NSD2: variants seen among roughly 807,000 people sequenced by gnomAD.
NSD2 encodes the protein histone-lysine N-methyltransferase NSD2.
Under a neutral mutation model 139.0 loss-of-function variants are expected in NSD2, and 12 were observed. The ratio of observed to expected loss-of-function variants is 0.09; its 90% CI spans 0.06 to 0.14. NSD2 has a LOEUF of 0.14. NSD2 is among the 10% of genes least tolerant of loss of function. The pLI is 1.00. For missense variants in NSD2, 1,155 were observed against 1,745.0 expected, an observed-to-expected ratio of 0.66 and a Z score of 6.02; for synonymous variants, 669 against 648.7, an observed-to-expected ratio of 1.03 and a Z score of -0.48.
chr4:1,896,681 C>CCTCCCTTCCTTCCTCT (rs1553861566), intron 1 of NSD2, among the ~76,000 whole-genome samples: 1,613 of 151,548 alleles, frequency 0.011, 28 homozygotes, highest in African/African-American at 0.037. Context: ...TCCCTCCCTC[C>CCTCCCTTCCTTCCTCT]CTTCCTTCCC....
At chr4:1,899,475 C>T (rs1716878969) in intron 1 of NSD2, 1 of 152,228 alleles carries the variant, frequency 6.6e-6, no homozygotes, top group South Asian at 2.1e-4. Flanking sequence ...AAAATCCTCC[C>T]CATTTGAGAA....
intron 9 of NSD2, chr4:1,946,960 A>G: frequency 1.9e-6 from 2 of 1,061,484 alleles, no homozygotes; most frequent in Non-Finnish European, 2.3e-6. Context: ...CTCTCGGGTA[A>G]TATTTTGAAG....
chr4:1,919,509 T>C (rs906667842), intron 5 of NSD2, among the ~76,000 whole-genome samples: 1 of 152,236 alleles, frequency 6.6e-6, no homozygotes, highest in African/African-American at 2.4e-5. Flanking sequence ...TTCCCACTTT[T>C]GGTTATGTTA....
At chr4:1,907,853 C>T (rs1718140528) in intron 3 of NSD2, among the ~76,000 whole-genome samples, 1 of 152,080 alleles carries the variant, frequency 6.6e-6, no homozygotes, top group African/African-American at 2.4e-5. Flanking sequence ...CCTTGTGATC[C>T]ACCCACCTTG....
At chr4:1,952,339 C>T (rs984915975) in intron 11 of NSD2, 108 bp downstream of exon 11, 1 of 1,496,914 alleles carries the variant, frequency 6.7e-7, no homozygotes, top group Non-Finnish European at 9.0e-7. Context: ...AGCCCCCTCC[C>T]CACCCCCACC....
chr4:1,958,430 C>A lies in NSD2; in HGVS notation c.2985+394C>A, dbSNP rs1479537821. Reference sequence around the variant, plus strand: ...CACGTAGATCCTGTACCTCAGAGAGCAAGATGGCGGGGCGGCAGGGGAGCT... The same window carrying A: ...CACGTAGATCCTGTACCTCAGAGAGAAAGATGGCGGGGCGGCAGGGGAGCT... On this transcript the variant is annotated intron_variant, in intron 16 of 21. Coordinates refer to ENST00000508803, the MANE Select transcript of NSD2 (RefSeq NM_001042424.3). The surrounding 1 kb of genome is among the most constrained non-coding windows in gnomAD (Gnocchi z 4.6). Among the ~76,000 whole-genome samples, 4 of 152,336 alleles carry A rather than the reference C, an allele frequency of 2.6e-5. No homozygotes were observed. The East Asian group carries it at 7.7e-4, about 29-fold the overall frequency.
Position 1,976,214 on chromosome 4 carries a change from C to G in NSD2, c.3622-261C>G, listed in dbSNP as rs1577586971. On this transcript the variant is annotated intron_variant, in intron 20 of 21. Transcript: ENST00000508803. This position sits in a 1 kb window ranked among gnomAD's most constrained non-coding sequence, Gnocchi z 5.3. ...AGCAGATCCTGGAGCTGTGTGTCTGCTGAGATGCTGCTGAGATGCGTCATT... is the reference window on the plus strand; with the variant it reads ...AGCAGATCCTGGAGCTGTGTGTCTGGTGAGATGCTGCTGAGATGCGTCATT... The G allele has an allele frequency of 2.1e-6, 1 of 483,966 alleles. No homozygotes were observed. Among genetic ancestry groups the G allele is most frequent in the East Asian group, 3.8e-5 (1 of 26,640 alleles). 30.0% of individuals were successfully genotyped at this position (483,966 alleles called of 1,614,324 possible). A position where few individuals can be genotyped will look rare whatever the true frequency, so the allele number is the denominator to read the frequency against.
In NSD2 at chr4:1,942,355, C is replaced by T. The variant is rs775597844; in HGVS notation, c.1881+2577C>T. On this transcript the variant is annotated intron_variant, in intron 9 of 21. Transcript: ENST00000508803. This position sits in a 1 kb window ranked among gnomAD's most constrained non-coding sequence, Gnocchi z 4.0. ...TGGTAACAGCTTTTGTGGGAGCCCA[C>T]ACCAGTCAAGTTGGATTTGAACCCA... 2 of 1,613,800 alleles carry T rather than the reference C, an allele frequency of 1.2e-6. No homozygotes were observed. The highest frequency in any genetic ancestry group is 2.2e-5 in the East Asian group (1 of 44,870).
chr4:1,974,761 A>G lies in NSD2; in HGVS notation c.3373-102A>G, dbSNP rs763866207. ...GGACACCACGGTTTTCAGTACAACA[A>G]GGAACACAACTTGTTCAATGTGCTT... is the stretch of plus-strand genomic sequence containing the variant. On this transcript the variant is annotated intron_variant, in intron 18 of 21. Transcript: ENST00000508803. This position sits in a 1 kb window ranked among gnomAD's most constrained non-coding sequence, Gnocchi z 4.0. 8 of 1,531,228 alleles carry G rather than the reference A, an allele frequency of 5.2e-6. No individual in the cohort carries two copies. Among genetic ancestry groups the G allele is most frequent in the Non-Finnish European group, 6.3e-6 (7 of 1,109,942 alleles). The allele number at this position is 1,531,228 out of a possible 1,614,324, so 94.9% of individuals were successfully genotyped here.
intron 18 of NSD2, among the ~76,000 whole-genome samples, chr4:1,965,185 A>C (rs921843138): frequency 2.6e-5 from 4 of 152,152 alleles, no homozygotes; most frequent in Non-Finnish European, 5.9e-5. Flanking sequence ...AGACTCTAAA[A>C]CATCTGCCTT....
intron 1 of NSD2, among the ~76,000 whole-genome samples, chr4:1,886,550 G>T (rs117060816): frequency 7.2e-5 from 11 of 152,054 alleles, no homozygotes; most frequent in African/African-American, 1.9e-4. Flanking sequence ...AGTAACTTGC[G>T]GCTGGGCGCG....
chr4:1,918,814 T>G, intron 5 of NSD2, 191 bp downstream of exon 5: 1 of 750,734 alleles, frequency 1.3e-6, no homozygotes, highest in Non-Finnish European at 2.0e-6. Flanking sequence ...CGACTTGCAC[T>G]CTGGGGTCTT....
chr4:1,968,451 C>A (rs1267886054), intron 18 of NSD2, among the ~76,000 whole-genome samples: 3 of 152,072 alleles, frequency 2.0e-5, no homozygotes, highest in African/African-American at 7.3e-5. Context: ...GATTTATTAA[C>A]CTTAGACTTT....
At chr4:1,871,785 C>T (rs1224285576) in intron 1 of NSD2, among the ~76,000 whole-genome samples, 1 of 139,794 alleles carries the variant, frequency 7.2e-6, no homozygotes, top group South Asian at 2.3e-4. Flanking sequence ...GCCTGAGGGC[C>T]GGCGGGAGGA....
At position 1,918,568 on chromosome 4, in the gene NSD2, G is replaced by A. The variant is rs775781891; in HGVS notation, c.1355G>A (p.Arg452Lys). The change falls in exon 5 of 22, where the codon AGG (arginine) becomes AAG (lysine). Residue 452 changes from arginine (R) to lysine (K), a missense_variant. Arg to Lys is a conservative substitution (Grantham distance 26). Transcript: ENST00000508803. ...KKTTVSMPRS[R>K]KGDAASQFLV... ...ACCACAGTCTCCATGCCACGAAGCA[G>A]GAAGGGAGATGCAGCATCCCAGTTT... is the stretch of plus-strand genomic sequence containing the variant. The A allele has an allele frequency of 6.2e-7, 1 of 1,613,954 alleles. No homozygotes were observed. Among genetic ancestry groups the A allele is most frequent in the South Asian group, 1.1e-5 (1 of 91,058 alleles).
rs187334767 is a variant in NSD2 at position 1,898,338 on chromosome 4, C to T, written c.-29-2288C>T. Among the ~76,000 whole-genome samples the T allele has an allele frequency of 1.2e-3, 189 of 152,290 alleles. 2 individuals are homozygous for T. Among genetic ancestry groups the T allele is most frequent in the Non-Finnish European group, 6.8e-4 (46 of 68,028 alleles). ...CTGGACTTGAGTGATCCTCCTGCCT[C>T]GGCCTCCCAAAGCCTGACCACATTC... On this transcript the variant is annotated intron_variant, in intron 1 of 21. Coordinates refer to ENST00000508803, the MANE Select transcript of NSD2 (RefSeq NM_001042424.3).
At chr4:1,895,422 T>A (rs1716135421) in intron 1 of NSD2, among the ~76,000 whole-genome samples, 1 of 152,250 alleles carries the variant, frequency 6.6e-6, no homozygotes, top group South Asian at 2.1e-4. Flanking sequence ...TACATGGTTT[T>A]CATCTCTTTA....
rs1348773782 is a variant in NSD2 at position 1,976,138 on chromosome 4, G to A, written c.3622-337G>A. Among the ~76,000 whole-genome samples the A allele has an allele frequency of 6.6e-6, 1 of 152,194 alleles. No homozygotes were observed. Among genetic ancestry groups the A allele is most frequent in the Admixed American group, 6.5e-5 (1 of 15,280 alleles). On this transcript the variant is annotated intron_variant, in intron 20 of 21. Coordinates refer to ENST00000508803, the MANE Select transcript of NSD2 (RefSeq NM_001042424.3). This position sits in a 1 kb window ranked among gnomAD's most constrained non-coding sequence, Gnocchi z 5.3. ...TCCTAATGAGGAGACCCTGGGTGGC[G>A]GGCGGGAGCTGTTCTGCCTGTGGTG...
intron 17 of NSD2, 151 bp downstream of exon 17, chr4:1,959,891 C>CAAA: frequency 3.2e-6 from 3 of 942,890 alleles, no homozygotes; most frequent in Non-Finnish European, 4.7e-6. Flanking sequence ...GACAGGGTCT[C>CAAA]ACTCTGTCAT....
Sources: allele counts gnomAD v4.1 joint callset (sites outside exome capture counted in the v4.1 genomes callset), GRCh38; gene constraint gnomAD v4.1.1; non-coding constraint Gnocchi (gnomAD v3.1); transcripts MANE v1.5; gene names NCBI Gene and HGNC (gene_info 2026-07-23, HGNC 2026-07-21).